The following ZNF573 variants were observed in gnomAD, a reference collection of about 807,000 sequenced individuals.
The protein encoded by ZNF573 is zinc finger protein 573.
In ZNF573, 41 loss-of-function variants were observed where a neutral mutation model predicts 57.4. The observed-to-expected ratio is 0.71, with a 90% CI of 0.56 to 0.93. The LOEUF (loss-of-function observed/expected upper bound fraction) is 0.93. Among genes scored for constraint, ZNF573 ranks in the 40% least tolerant of loss-of-function variants. ZNF573 has a pLI of 0.00. For missense variants in ZNF573, 730 were observed against 794.8 expected (o/e 0.92, Z 0.98); for synonymous variants, 249 against 261.0 (o/e 0.95, Z 0.44).
chr19:37,778,824 T>C (rs1489418180), intron 1 of ZNF573, among the ~76,000 whole-genome samples: 2 of 152,090 alleles, frequency 1.3e-5, no homozygotes, highest in Non-Finnish European at 2.9e-5. Flanking sequence ...TCACACACTT[T>C]AACACATGGA....
intron 4 of ZNF573, among the ~76,000 whole-genome samples, chr19:37,767,130 C>T (rs1411685105): frequency 6.6e-6 from 1 of 152,200 alleles, no homozygotes; most frequent in Non-Finnish European, 1.5e-5. Flanking sequence ...CCTTCTCGGA[C>T]CCCTGCTGAC....
At position 37,738,664 on chromosome 19, in the gene ZNF573, G is replaced by C; in HGVS notation, c.1826C>G (p.Pro609Arg). The stretch of plus-strand genomic sequence containing the variant: ...CTTCCCACATTCTTTACATTCATAA[G>C]GTTTTCCACCAGTATGAATTTTCTG... Reference protein sequence around the residue: ...QHQKIHTGGKPYECKECGKAF... With the variant: ...QHQKIHTGGKRYECKECGKAF... The change falls in exon 5 of 5, where the codon CCT (proline) becomes CGT (arginine). Residue 609 changes from proline (P) to arginine (R), a missense_variant. Physicochemically the swap from Pro to Arg is moderately radical, Grantham distance 103 (BLOSUM62 -2). Transcript: ENST00000536220. The C allele has an allele frequency of 6.2e-7, 1 of 1,610,654 alleles. No homozygotes were observed. The highest frequency in any genetic ancestry group is 8.5e-7 in the Non-Finnish European group (1 of 1,178,776).
intron 4 of ZNF573, among the ~76,000 whole-genome samples, chr19:37,757,419 G>A (rs568449273): frequency 5.7e-4 from 86 of 151,522 alleles, no homozygotes; most frequent in African/African-American, 1.9e-3. Context: ...TGATGGTCTC[G>A]ATCTCCCGAC....
In ZNF573 at chr19:37,739,057, G is replaced by C; in HGVS notation, c.1433C>G (p.Ala478Gly). ...AATAAGGTTTGAGCCAGTACTATAGGCCTTCCCACATTCCTGACATTCAAA... is the reference window on the plus strand; with the variant it reads ...AATAAGGTTTGAGCCAGTACTATAGCCCTTCCCACATTCCTGACATTCAAA... ...KLFECQECGKAYSTGSNLIQH... is the reference protein window; with the variant it reads ...KLFECQECGKGYSTGSNLIQH... The change falls in exon 5 of 5, where the codon GCC becomes GGC. Residue 478 changes from alanine (A) to glycine (G), a missense_variant. Coordinates refer to ENST00000536220, the MANE Select transcript of ZNF573 (RefSeq NM_001172690.2). 6.2e-7 allele frequency: 1 copy of C among 1,613,118 alleles called. No homozygotes were observed. Among genetic ancestry groups the C allele is most frequent in the Non-Finnish European group, 8.5e-7 (1 of 1,179,722 alleles).
chr19:37,760,963 T>A lies in ZNF573; in HGVS notation c.295+9042A>T, dbSNP rs374076784. ...CTGTAATCCCAGCACTTTGGGAGGC[T>A]GAGGCAGGTAGATGACCTGAGGTCA... On this transcript the variant is annotated intron_variant, in intron 4 of 4. Coordinates refer to ENST00000536220, the MANE Select transcript of ZNF573 (RefSeq NM_001172690.2). Among the ~76,000 whole-genome samples the A allele has an allele frequency of 6.6e-5, 10 of 152,162 alleles. No homozygotes were observed. The East Asian group carries it at 1.9e-3, about 30-fold the overall frequency.
At chr19:37,742,294 T>C (rs943460036) in intron 4 of ZNF573, among the ~76,000 whole-genome samples, 1 of 152,112 alleles carries the variant, frequency 6.6e-6, no homozygotes, top group Non-Finnish European at 1.5e-5. Flanking sequence ...CAAATTACCA[T>C]TGACATTCTT....
intron 1 of ZNF573, among the ~76,000 whole-genome samples, chr19:37,777,201 C>T (rs2045717145): frequency 1.3e-5 from 2 of 152,028 alleles, no homozygotes; most frequent in South Asian, 4.2e-4. Flanking sequence ...GTGATAGAGA[C>T]AGGAGTCTCA....
intron 4 of ZNF573, among the ~76,000 whole-genome samples, chr19:37,768,000 ACT>A (rs745712407): frequency 5.9e-5 from 9 of 151,736 alleles, no homozygotes; most frequent in Non-Finnish European, 1.2e-4. Flanking sequence ...TCAACTAGAA[ACT>A]CTCTCCTTGT....
In ZNF573 at chr19:37,739,933, C is replaced by G; in HGVS notation, c.557G>C (p.Gly186Ala). ...QLTLHQRFHTGEKPYECTECG... is the reference protein window; with the variant it reads ...QLTLHQRFHTAEKPYECTECG... ...TTCTGTACATTCATAGGGTTTCTCA[C>G]CAGTATGAAATCTTTGATGTAGAGT... The change falls in exon 5 of 5, where the codon GGT becomes GCT. Residue 186 changes from glycine (G) to alanine (A), a missense_variant. Coordinates refer to ENST00000536220, the MANE Select transcript of ZNF573 (RefSeq NM_001172690.2). 1 of 1,614,184 alleles carries G rather than the reference C, an allele frequency of 6.2e-7. No homozygotes were observed. Among genetic ancestry groups the G allele is most frequent in the Non-Finnish European group, 8.5e-7 (1 of 1,180,028 alleles).
At chr19:37,755,621 T>C (rs531676928) in intron 4 of ZNF573, among the ~76,000 whole-genome samples, 33 of 152,178 alleles carry the variant, frequency 2.2e-4, no homozygotes, top group African/African-American at 7.9e-4. Context: ...TATAACTAGA[T>C]AGAACAGCAA....
rs1207213304 is a variant in ZNF573 at position 37,739,144 on chromosome 19, T to C, written c.1346A>G (p.Lys449Arg). The change falls in exon 5 of 5, where the codon AAA (lysine) becomes AGA (arginine). Residue 449 changes from lysine (K) to arginine (R), a missense_variant. Transcript: ENST00000536220. The stretch of plus-strand genomic sequence containing the variant: ...AAGATTTCTATACAAAGTAAAGGTT[T>C]TTTTACACTCCTTACATTCAAAGTG... The part of the protein sequence containing the change: ...MKHFECKECK[K>R]TFTLYRNLTR... The C allele has an allele frequency of 1.2e-6, 2 of 1,613,246 alleles. No homozygotes were observed. The highest frequency in any genetic ancestry group is 2.2e-5 in the South Asian group (2 of 90,770).
At chr19:37,740,744 T>A (rs2045319701) in intron 4 of ZNF573, 1 of 371,362 alleles carries the variant, frequency 2.7e-6, no homozygotes, top group South Asian at 2.1e-5. Flanking sequence ...TTGGTATCTG[T>A]GGAGGATCAG....
chr19:37,754,009 C>T (rs770372958), intron 4 of ZNF573, among the ~76,000 whole-genome samples: 4 of 151,988 alleles, frequency 2.6e-5, no homozygotes, highest in Non-Finnish European at 5.9e-5. Flanking sequence ...TATCAACAGC[C>T]GGGAAATGGA....
At chr19:37,741,487 C>A (rs1182999985) in intron 4 of ZNF573, among the ~76,000 whole-genome samples, 1 of 152,170 alleles carries the variant, frequency 6.6e-6, no homozygotes, top group Non-Finnish European at 1.5e-5. Context: ...CCACCGTGAT[C>A]AAGTTGGCTT....
intron 1 of ZNF573, among the ~76,000 whole-genome samples, chr19:37,777,261 G>T (rs1392554462): frequency 6.6e-6 from 1 of 152,040 alleles, no homozygotes; most frequent in Non-Finnish European, 1.5e-5. Flanking sequence ...TGATCTGCTG[G>T]CCTCAGCCTC....
At chr19:37,764,327 G>GC (rs2045580990) in intron 4 of ZNF573, among the ~76,000 whole-genome samples, 1 of 132,358 alleles carries the variant, frequency 7.6e-6, no homozygotes, top group East Asian at 2.2e-4. Flanking sequence ...TTTTTTTGTT[G>GC]TTTTTTTTTC....
At chr19:37,764,074 A>G (rs1467455178) in intron 4 of ZNF573, among the ~76,000 whole-genome samples, 1 of 151,776 alleles carries the variant, frequency 6.6e-6, no homozygotes, top group Non-Finnish European at 1.5e-5. Context: ...AAAAAAAAAA[A>G]AAAAAAAATA....
chr19:37,740,503 C>G, intron 4 of ZNF573: 1 of 457,600 alleles, frequency 2.2e-6, no homozygotes, highest in South Asian at 1.7e-5. Context: ...AGGAGAGAAA[C>G]CTTGACATCT....
At chr19:37,740,380 G>A (rs1382411234) in intron 4 of ZNF573, among the ~76,000 whole-genome samples, 186 bp from the exon 5 acceptor site, 1 of 152,208 alleles carries the variant, frequency 6.6e-6, no homozygotes, top group Non-Finnish European at 1.5e-5. Flanking sequence ...GTAAGATAGT[G>A]AAATTACTGA....
Sources: allele counts gnomAD v4.1 joint callset (sites outside exome capture counted in the v4.1 genomes callset), GRCh38; gene constraint gnomAD v4.1.1; transcripts MANE v1.5; gene names NCBI Gene and HGNC (gene_info 2026-07-23, HGNC 2026-07-21).